ZDHHC3: variants seen among roughly 807,000 people sequenced by gnomAD.
ZDHHC3 encodes the protein zDHHC palmitoyltransferase 3.
In ZDHHC3, 9 loss-of-function variants were observed where a neutral mutation model predicts 30.6. The observed-to-expected ratio is 0.29, with a 90% CI of 0.18 to 0.51. The LOEUF (loss-of-function observed/expected upper bound fraction) is 0.51, where lower values mean the gene tolerates loss of function less well. Among genes scored for constraint, ZDHHC3 ranks in the 20% least tolerant of loss-of-function variants. ZDHHC3 has a pLI of 0.97. For missense variants in ZDHHC3, 246 were observed against 384.2 expected (o/e 0.64, Z 3.01); for synonymous variants, 136 against 140.2 (o/e 0.97, Z 0.21).
At chr3:44,930,136 G>A (rs908689677) in intron 5 of ZDHHC3, among the ~76,000 whole-genome samples, 1 of 152,238 alleles carries the variant, frequency 6.6e-6, no homozygotes, top group African/African-American at 2.4e-5. Flanking sequence ...TCCAGCCCCG[G>A]GGACCTGAGG....
chr3:44,928,062 A>G (rs1319729958), intron 6 of ZDHHC3, among the ~76,000 whole-genome samples: 3 of 152,222 alleles, frequency 2.0e-5, no homozygotes, highest in Non-Finnish European at 4.4e-5. Context: ...GCCCGGCAGT[A>G]TCCCAATGGC....
rs1441965524 is a variant in ZDHHC3 at position 44,916,386 on chromosome 3, G to A, written c.*10303C>T. 6.6e-6 allele frequency: 1 copy of A among 152,238 alleles called. No individual in the cohort carries two copies. Among genetic ancestry groups the A allele is most frequent in the Admixed American group, 6.5e-5 (1 of 15,280 alleles). The allele number at this position is 152,238 out of a possible 1,614,324, so 9.4% of individuals were successfully genotyped here. The stretch of plus-strand genomic sequence containing the variant: ...CTGCTTGGCTCTTTTCTTTCTCACG[G>A]TCGCCAGTTTCCTTTCTCAGCATCC... On this transcript the variant is annotated 3_prime_UTR_variant, in exon 7 of 7. Transcript: ENST00000424952.
chr3:44,963,500 C>CAAA (rs11446885), intron 1 of ZDHHC3, among the ~76,000 whole-genome samples: 3 of 146,238 alleles, frequency 2.1e-5, no homozygotes, highest in African/African-American at 5.0e-5. Flanking sequence ...AGAAATATGG[C>CAAA]AAAAAAAAAA....
chr3:44,971,670 CTAA>C (rs1705415279), intron 1 of ZDHHC3, among the ~76,000 whole-genome samples: 2 of 152,108 alleles, frequency 1.3e-5, no homozygotes. Flanking sequence ...CAAATATGCC[CTAA>C]TGAGACATAG....
chr3:44,952,395 C>G (rs1015118697), intron 2 of ZDHHC3, among the ~76,000 whole-genome samples: 1 of 152,214 alleles, frequency 6.6e-6, no homozygotes, highest in African/African-American at 2.4e-5. Context: ...CTTCCTGCCT[C>G]TAGTCTCTCC....
chr3:44,976,035 G>A lies in ZDHHC3; in HGVS notation c.-127C>T, dbSNP rs1300726422. ...TCCCCAACCCGGGACCCGGCCTCGG[G>A]CTTCGGCGATGGCTCCTCGGAACGA... On this transcript the variant is annotated 5_prime_UTR_variant, in exon 1 of 7. Transcript: ENST00000424952. The A allele has an allele frequency of 5.0e-6, 2 of 401,026 alleles. No individual in the cohort carries two copies. The highest frequency in any genetic ancestry group is 8.8e-6 in the Non-Finnish European group (2 of 227,374). The allele number at this position is 401,026 out of a possible 1,614,324, so 24.8% of individuals were successfully genotyped here.
Position 44,918,203 on chromosome 3 carries a change from T to C in ZDHHC3, c.*8486A>G, listed in dbSNP as rs567657626. 1.2e-4 allele frequency: 147 copies of C among 1,252,678 alleles called. No homozygotes were observed. The highest frequency in any genetic ancestry group is 1.4e-4 in the Non-Finnish European group (133 of 961,200). The allele number at this position is 1,252,678 out of a possible 1,614,324, so 77.6% of individuals were successfully genotyped here. On this transcript the variant is annotated 3_prime_UTR_variant, in exon 7 of 7. Transcript: ENST00000424952. ...GTGGTGCTGGGCTGTACAGCTCACA[T>C]AGACACCCCCAGCTATAGCATAGCA... is the stretch of plus-strand genomic sequence containing the variant.
chr3:44,929,533 C>T, intron 5 of ZDHHC3, 97 bp from the exon 6 acceptor site: 3 of 1,511,082 alleles, frequency 2.0e-6, no homozygotes, highest in Non-Finnish European at 2.7e-6. Flanking sequence ...CTCCTGCTTG[C>T]AGGCCTTCAT....
rs540858673 is a variant in ZDHHC3 at position 44,929,938 on chromosome 3, G to C, written c.611-502C>G. Among the ~76,000 whole-genome samples the C allele has an allele frequency of 2.6e-4, 39 of 152,328 alleles. 1 individual carries two copies. The South Asian group carries it at 5.2e-3, about 20-fold the overall frequency. ...CACAGGCAGCTGTGGAGGATCACTTGGTGGCTTTGGGATTTTAAGCTTGGC... is the reference window on the plus strand; with the variant it reads ...CACAGGCAGCTGTGGAGGATCACTTCGTGGCTTTGGGATTTTAAGCTTGGC... On this transcript the variant is annotated intron_variant, in intron 5 of 6. Transcript: ENST00000424952.
intron 3 of ZDHHC3, among the ~76,000 whole-genome samples, chr3:44,935,395 G>T (rs770351869): frequency 3.3e-5 from 5 of 152,088 alleles, no homozygotes; most frequent in Admixed American, 6.6e-5. Flanking sequence ...TCAGCCTCCC[G>T]AACAGCTGGG....
In ZDHHC3 at chr3:44,921,496, C is replaced by G. The variant is rs920303459; in HGVS notation, c.*5193G>C. On this transcript the variant is annotated 3_prime_UTR_variant, in exon 7 of 7. Coordinates refer to ENST00000424952, the MANE Select transcript of ZDHHC3 (RefSeq NM_001135179.2). ...ACTCCCTAAGCTTCATAAAACAATA[C>G]TTATCCTGCAATATGTAATGCATTA... 32 of 985,304 alleles carry G rather than the reference C, an allele frequency of 3.2e-5. No homozygotes were observed. The African/African-American group carries it at 5.4e-4, about 17-fold the overall frequency. The allele number at this position is 985,304 out of a possible 1,614,324, so 61.0% of individuals were successfully genotyped here.
chr3:44,952,925 C>T (rs1171196745), intron 2 of ZDHHC3, among the ~76,000 whole-genome samples: 2 of 152,210 alleles, frequency 1.3e-5, no homozygotes, highest in Non-Finnish European at 2.9e-5. Context: ...ACAAGACATT[C>T]CTGGAGGACA....
At position 44,919,848 on chromosome 3, in the gene ZDHHC3, TA is replaced by T; in HGVS notation, c.*6840del. 1 of 1,005,706 alleles carries T rather than the reference TA, an allele frequency of 9.9e-7. No homozygotes were observed. The highest frequency in any genetic ancestry group is 1.2e-6 in the Non-Finnish European group (1 of 839,822). 62.3% of individuals were successfully genotyped at this position (1,005,706 alleles called of 1,614,324 possible). A position where few individuals can be genotyped will look rare whatever the true frequency, so the allele number is the denominator to read the frequency against. ...TGTAAGTCTGATTTCACAAAAAGTT[TA>T]AAAATAATCAATAATCTGAGACAAA... is the stretch of plus-strand genomic sequence containing the variant. On this transcript the variant is annotated 3_prime_UTR_variant, in exon 7 of 7. Coordinates refer to ENST00000424952, the MANE Select transcript of ZDHHC3 (RefSeq NM_001135179.2).
chr3:44,967,085 A>C (rs1705017872), intron 1 of ZDHHC3, among the ~76,000 whole-genome samples: 1 of 152,182 alleles, frequency 6.6e-6, no homozygotes, highest in African/African-American at 2.4e-5. Context: ...CTTCAACAAA[A>C]AACAAATGGA....
intron 6 of ZDHHC3, among the ~76,000 whole-genome samples, chr3:44,927,567 T>C (rs1701106301): frequency 6.6e-6 from 1 of 152,174 alleles, no homozygotes; most frequent in Non-Finnish European, 1.5e-5. Context: ...CAGCATGGCA[T>C]GGCAAAGGTC....
In ZDHHC3 at chr3:44,923,225, G is replaced by A. The variant is rs1700734096; in HGVS notation, c.*3464C>T. 2.5e-6 allele frequency: 2 copies of A among 809,314 alleles called. No individual in the cohort carries two copies. Among genetic ancestry groups the A allele is most frequent in the Non-Finnish European group, 3.0e-6 (2 of 669,828 alleles). The allele number at this position is 809,314 out of a possible 1,614,324, so 50.1% of individuals were successfully genotyped here. On this transcript the variant is annotated 3_prime_UTR_variant, in exon 7 of 7. Transcript: ENST00000424952. ...CAAGTAGCTGGGACTACAGACGCCT[G>A]CCACCACGCCCAGCTAATTTTTTTA...
chr3:44,950,330 G>A (rs191996247), intron 2 of ZDHHC3, among the ~76,000 whole-genome samples: 1 of 152,180 alleles, frequency 6.6e-6, no homozygotes, highest in East Asian at 1.9e-4. Context: ...TTTTTGTTTA[G>A]TCCCAGTTTT....
chr3:44,925,900 T>G lies in ZDHHC3; in HGVS notation c.*789A>C, dbSNP rs1349025854. 1 of 985,726 alleles carries G rather than the reference T, an allele frequency of 1.0e-6. No individual in the cohort carries two copies. The highest frequency in any genetic ancestry group is 1.7e-5 in the African/African-American group (1 of 57,220). 61.1% of individuals were successfully genotyped at this position (985,726 alleles called of 1,614,324 possible). On this transcript the variant is annotated 3_prime_UTR_variant, in exon 7 of 7. Coordinates refer to ENST00000424952, the MANE Select transcript of ZDHHC3 (RefSeq NM_001135179.2). Reference sequence around the variant, plus strand: ...GAAGCAGATGAAACAAAGGAAAACGTAGCTTGCCTGAAATTGTGTAATTTT... The same window carrying G: ...GAAGCAGATGAAACAAAGGAAAACGGAGCTTGCCTGAAATTGTGTAATTTT...
Position 44,921,079 on chromosome 3 carries a change from T to C in ZDHHC3, c.*5610A>G. 1.0e-6 allele frequency: 1 copy of C among 985,306 alleles called. No homozygotes were observed. Among genetic ancestry groups the C allele is most frequent in the Non-Finnish European group, 1.2e-6 (1 of 829,936 alleles). 61.0% of individuals were successfully genotyped at this position (985,306 alleles called of 1,614,324 possible). ...AGAACGAACAAAAATGGTTGATGCC[T>C]GGTAAGGGGGTCATAGTCGACACCA... is the stretch of plus-strand genomic sequence containing the variant. On this transcript the variant is annotated 3_prime_UTR_variant, in exon 7 of 7. Transcript: ENST00000424952.
Sources: gnomAD v4.1 joint callset for allele counts (sites outside exome capture counted in the v4.1 genomes callset) on GRCh38, gnomAD v4.1.1 for gene constraint, MANE v1.5 for transcripts, NCBI Gene and HGNC (gene_info 2026-07-23, HGNC 2026-07-21) for gene names.